Variants in QKI observed in about 807,000 individuals in gnomAD.
The protein encoded by QKI is QKI, KH domain containing RNA binding.
Under a neutral mutation model 39.0 loss-of-function variants are expected in QKI, and 10 were observed. The ratio of observed to expected loss-of-function variants is 0.26; its 90% CI spans 0.16 to 0.43. The LOEUF is 0.43. Among genes scored for constraint, QKI ranks in the 20% least tolerant of loss-of-function variants. The probability of loss-of-function intolerance (pLI) is 1.00; values close to 1 mark genes in which losing one functional copy is unlikely to be tolerated. For synonymous variants in QKI, 204 were observed against 155.4 expected (o/e 1.31, Z -2.33); for missense variants, 218 against 428.0 (o/e 0.51, Z 4.33).
At chr6:163,561,542 A>G (rs1026596662) in intron 4 of QKI, among the ~76,000 whole-genome samples, 39 of 152,340 alleles carry the variant, frequency 2.6e-4, no homozygotes, top group Middle Eastern at 6.8e-3. Context: ...TAGGAATTCA[A>G]GGTGGCTGTG....
chr6:163,427,217 CGTTACT>C (rs1562421653), intron 1 of QKI, among the ~76,000 whole-genome samples: 1 of 134,590 alleles, frequency 7.4e-6, no homozygotes, highest in Non-Finnish European at 1.6e-5. Flanking sequence ...AATTTTTTAA[CGTTACT>C]GTTAATTTTA....
intron 1 of QKI, among the ~76,000 whole-genome samples, chr6:163,436,072 C>G (rs542786321): frequency 7.9e-5 from 12 of 152,166 alleles, no homozygotes; most frequent in Non-Finnish European, 1.6e-4. Context: ...TGTTCTGTCC[C>G]GCAGTATACA....
At chr6:163,540,580 T>C in intron 4 of QKI, among the ~76,000 whole-genome samples, 1 of 152,202 alleles carries the variant, frequency 6.6e-6, no homozygotes, top group Non-Finnish European at 1.5e-5. Flanking sequence ...AGGGCAATTA[T>C]ACTTGTTTCT....
At chr6:163,513,686 T>C (rs1779626946) in intron 3 of QKI, among the ~76,000 whole-genome samples, 3 of 152,152 alleles carry the variant, frequency 2.0e-5, no homozygotes, top group African/African-American at 7.2e-5. Flanking sequence ...CTCTAGAATT[T>C]CTTCCCAGGC....
chr6:163,523,335 G>A (rs1489867856), intron 3 of QKI, among the ~76,000 whole-genome samples: 2 of 152,154 alleles, frequency 1.3e-5, no homozygotes, highest in Non-Finnish European at 2.9e-5. Flanking sequence ...AGCACCATAT[G>A]GCTTAGGAGC....
intron 1 of QKI, among the ~76,000 whole-genome samples, chr6:163,422,720 C>A (rs1326149709): frequency 2.6e-5 from 4 of 152,128 alleles, no homozygotes; most frequent in African/African-American, 7.2e-5. Context: ...GTGAGCTGGG[C>A]TTTGTGAGTA....
At chr6:163,421,481 T>C (rs892693174) in intron 1 of QKI, among the ~76,000 whole-genome samples, 6 of 152,212 alleles carry the variant, frequency 3.9e-5, no homozygotes, top group African/African-American at 1.4e-4. Flanking sequence ...ATATAGTTCT[T>C]GTACTCCATG....
At chr6:163,464,259 G>A (rs1421747109) in intron 2 of QKI, among the ~76,000 whole-genome samples, 1 of 150,662 alleles carries the variant, frequency 6.6e-6, no homozygotes, top group African/African-American at 2.5e-5. Context: ...TTTCATTCTC[G>A]CAGTAAAAAT....
intron 1 of QKI, among the ~76,000 whole-genome samples, chr6:163,447,501 TCTC>T (rs1014625425): frequency 6.6e-6 from 1 of 152,102 alleles, no homozygotes; most frequent in African/African-American, 2.4e-5. Flanking sequence ...CTTCATCTCT[TCTC>T]CTACTCATCC....
chr6:163,415,052 G>A lies in QKI; in HGVS notation c.-142G>A. On this transcript the variant is annotated 5_prime_UTR_variant, in exon 1 of 8. Coordinates refer to ENST00000361752, the MANE Select transcript of QKI (RefSeq NM_006775.3). ...GCGGTGCCGGCCGCCCCGGGGCTCG[G>A]CGCGGGAGCCAGAGCGGGAGCCGGC... 8.2e-6 allele frequency: 7 copies of A among 857,552 alleles called. No individual in the cohort carries two copies. The highest frequency in any genetic ancestry group is 9.7e-6 in the Non-Finnish European group (7 of 718,156). 53.1% of individuals were successfully genotyped at this position (857,552 alleles called of 1,614,324 possible). A position where few individuals can be genotyped will look rare whatever the true frequency, so the allele number is the denominator to read the frequency against.
intron 1 of QKI, among the ~76,000 whole-genome samples, chr6:163,438,946 C>T (rs777948149): frequency 6.6e-6 from 1 of 152,168 alleles, no homozygotes; most frequent in Non-Finnish European, 1.5e-5. Context: ...TACAGCTGTA[C>T]AGAAATATTT....
chr6:163,444,470 T>C (rs1490543548), intron 1 of QKI, among the ~76,000 whole-genome samples: 1 of 152,240 alleles, frequency 6.6e-6, no homozygotes, highest in Non-Finnish European at 1.5e-5. Flanking sequence ...GTCATTGTTT[T>C]GGATTGTAAT....
At chr6:163,458,380 G>A (rs2071671188) in intron 2 of QKI, among the ~76,000 whole-genome samples, 2 of 152,158 alleles carry the variant, frequency 1.3e-5, no homozygotes, top group Admixed American at 6.5e-5. Context: ...TGTGTCACAA[G>A]CTCTATGAGG....
chr6:163,439,220 C>A (rs1183682296), intron 1 of QKI, among the ~76,000 whole-genome samples: 1 of 152,034 alleles, frequency 6.6e-6, no homozygotes, highest in Admixed American at 6.6e-5. Flanking sequence ...TTAATAATAG[C>A]AGATTCTTGA....
At chr6:163,468,297 CA>C (rs1791929480) in intron 2 of QKI, among the ~76,000 whole-genome samples, 1 of 151,976 alleles carries the variant, frequency 6.6e-6, no homozygotes, top group Admixed American at 6.6e-5. Flanking sequence ...AAAAGCAATC[CA>C]AAAAAGTGCA....
At chr6:163,428,638 A>G (rs1788591088) in intron 1 of QKI, among the ~76,000 whole-genome samples, 1 of 152,048 alleles carries the variant, frequency 6.6e-6, no homozygotes, top group Admixed American at 6.5e-5. Context: ...GCTTTAACAT[A>G]TGCTTTGCAA....
At chr6:163,520,561 T>G (rs966893833) in intron 3 of QKI, among the ~76,000 whole-genome samples, 1 of 152,168 alleles carries the variant, frequency 6.6e-6, no homozygotes, top group Admixed American at 6.5e-5. Flanking sequence ...GTCCTAAGAA[T>G]TATCCTATTT....
intron 3 of QKI, among the ~76,000 whole-genome samples, chr6:163,508,985 A>T (rs1368469895): frequency 2.6e-5 from 4 of 151,974 alleles, no homozygotes; most frequent in African/African-American, 9.7e-5. Context: ...CTAAAAATTG[A>T]AAAATTAGCT....
chr6:163,428,000 T>G (rs764993328), intron 1 of QKI, among the ~76,000 whole-genome samples: 1 of 152,234 alleles, frequency 6.6e-6, no homozygotes, highest in African/African-American at 2.4e-5. Flanking sequence ...AAGGAACTTA[T>G]GTTCCAGCAG....
Sources: gnomAD v4.1 joint callset for allele counts (sites outside exome capture counted in the v4.1 genomes callset) on GRCh38, gnomAD v4.1.1 for gene constraint, MANE v1.5 for transcripts, NCBI Gene and HGNC (gene_info 2026-07-23, HGNC 2026-07-21) for gene names.